The following HS2ST1 variants were observed in gnomAD, a reference collection of about 807,000 sequenced individuals.
HS2ST1 encodes the protein heparan sulfate 2-O-sulfotransferase 1.
In HS2ST1, 18 loss-of-function variants were observed where a neutral mutation model predicts 42.9. The observed-to-expected ratio is 0.42, with a 90% CI of 0.29 to 0.62. The LOEUF is 0.62. Among genes scored for constraint, HS2ST1 ranks in the 20% least tolerant of loss-of-function variants. HS2ST1 has a pLI of 0.21. For missense variants in HS2ST1, 334 were observed against 433.8 expected, an observed-to-expected ratio of 0.77 and a Z score of 2.04; for synonymous variants, 146 against 152.9, an observed-to-expected ratio of 0.95 and a Z score of 0.33.
chr1:86,955,078 A>C (rs1311547050), intron 1 of HS2ST1, among the ~76,000 whole-genome samples: 1 of 152,188 alleles, frequency 6.6e-6, no homozygotes. Context: ...TTATTTATCT[A>C]GAGTGAAATG....
chr1:87,102,782 A>G (rs1557547055), intron 5 of HS2ST1, among the ~76,000 whole-genome samples: 2 of 152,174 alleles, frequency 1.3e-5, no homozygotes. Flanking sequence ...TGAGAAAACA[A>G]AATTGAGAAA....
At chr1:86,989,499 A>C (rs1422259266) in intron 1 of HS2ST1, among the ~76,000 whole-genome samples, 2 of 152,262 alleles carry the variant, frequency 1.3e-5, no homozygotes, top group Non-Finnish European at 2.9e-5. Flanking sequence ...AGAAGCAATA[A>C]AAATATTGCA....
intron 1 of HS2ST1, among the ~76,000 whole-genome samples, chr1:86,967,853 T>C (rs1648093633): frequency 6.6e-6 from 1 of 152,220 alleles, no homozygotes; most frequent in Non-Finnish European, 1.5e-5. Flanking sequence ...GACCTACTTT[T>C]AGTTCTTTAA....
At chr1:87,104,247 A>T (rs1370904123) in intron 6 of HS2ST1, among the ~76,000 whole-genome samples, 1 of 152,164 alleles carries the variant, frequency 6.6e-6, no homozygotes, top group Non-Finnish European at 1.5e-5. Flanking sequence ...TGACTATTTG[A>T]CATTTCATTA....
intron 1 of HS2ST1, among the ~76,000 whole-genome samples, chr1:87,034,700 G>A (rs1011032969): frequency 2.0e-5 from 3 of 152,108 alleles, no homozygotes; most frequent in African/African-American, 7.2e-5. Context: ...CCTTTTAAAA[G>A]ACAATAAAAA....
intron 1 of HS2ST1, among the ~76,000 whole-genome samples, chr1:87,057,884 T>C (rs1651017780): frequency 6.6e-6 from 1 of 151,516 alleles, no homozygotes; most frequent in Admixed American, 6.6e-5. Context: ...AAAAACTGTA[T>C]TTTTTGTCTT....
At chr1:86,958,196 C>G (rs970529146) in intron 1 of HS2ST1, among the ~76,000 whole-genome samples, 4 of 152,316 alleles carry the variant, frequency 2.6e-5, no homozygotes, top group South Asian at 2.1e-4. Context: ...TAACTTTTGA[C>G]TTTCTAAAAA....
intron 1 of HS2ST1, among the ~76,000 whole-genome samples, chr1:86,998,125 A>G (rs1649161542): frequency 6.6e-6 from 1 of 152,208 alleles, no homozygotes; most frequent in Non-Finnish European, 1.5e-5. Flanking sequence ...TGGTCCATAC[A>G]TAATTCTTTA....
intron 1 of HS2ST1, among the ~76,000 whole-genome samples, chr1:86,970,242 T>C (rs1385823116): frequency 6.6e-6 from 1 of 152,196 alleles, no homozygotes; most frequent in Non-Finnish European, 1.5e-5. Flanking sequence ...CAAGTAATAA[T>C]GTATTAATGC....
rs1215937304 is a variant in HS2ST1, at chr1:87,105,533, T to G, written c.*837T>G. 6.6e-6 allele frequency: 1 copy of G among 152,332 alleles called. No individual in the cohort carries two copies. The highest frequency in any genetic ancestry group is 1.5e-5 in the Non-Finnish European group (1 of 67,934). The allele number at this position is 152,332 out of a possible 1,614,324, so 9.4% of individuals were successfully genotyped here. A position where few individuals can be genotyped will look rare whatever the true frequency, so the allele number is the denominator to read the frequency against. On this transcript the variant is annotated 3_prime_UTR_variant, in exon 7 of 7. Transcript: ENST00000370550. ...TGACTCCGTATTATGACTCCATTAG[T>G]GAGCTGTGGTATGGGTAGGATTTTC...
intron 1 of HS2ST1, among the ~76,000 whole-genome samples, chr1:86,979,770 G>A (rs1417314744): frequency 1.3e-5 from 2 of 152,124 alleles, no homozygotes; most frequent in South Asian, 4.1e-4. Context: ...TTCACTTTTT[G>A]AGGAATCATC....
At chr1:87,039,121 A>G (rs1650458115) in intron 1 of HS2ST1, among the ~76,000 whole-genome samples, 1 of 152,148 alleles carries the variant, frequency 6.6e-6, no homozygotes, top group South Asian at 2.1e-4. Flanking sequence ...TCCTTTGGTA[A>G]TTGTAAGGGT....
chr1:86,915,063 G>C lies in HS2ST1; in HGVS notation c.27G>C (p.Pro9=). MGLLRIMM[P]PKLQLLAVVA... is the part of the protein sequence containing the mutation. ...TGGGGCTCCTCAGGATTATGATGCC[G>C]CCCAAGTTGCAGCTGCTGGCGGTGG... Residue 9 remains proline (P), a synonymous_variant, in exon 1 of 7, where the codon CCG becomes CCC. Transcript: ENST00000370550. The C allele has an allele frequency of 5.0e-6, 8 of 1,614,140 alleles. No individual in the cohort carries two copies. The highest frequency in any genetic ancestry group is 6.8e-6 in the Non-Finnish European group (8 of 1,180,010).
intron 1 of HS2ST1, among the ~76,000 whole-genome samples, chr1:87,040,394 A>G (rs1337333078): frequency 1.3e-5 from 2 of 151,954 alleles, no homozygotes; most frequent in African/African-American, 4.8e-5. Flanking sequence ...AGAAGTATCC[A>G]TTTTCCTTCT....
At chr1:86,924,661 C>G (rs1439397290) in intron 1 of HS2ST1, among the ~76,000 whole-genome samples, 2 of 152,178 alleles carry the variant, frequency 1.3e-5, no homozygotes, top group Non-Finnish European at 2.9e-5. Flanking sequence ...AAGGCATGGC[C>G]CGAGCTCTAC....
Position 87,052,438 on chromosome 1 carries a change from C to A in HS2ST1, c.125-20496C>A, listed in dbSNP as rs1192698126. Among the ~76,000 whole-genome samples, 3 of 151,772 alleles carry A rather than the reference C, an allele frequency of 2.0e-5. No individual in the cohort carries two copies. In the South Asian group the frequency reaches 6.2e-4, roughly 32 times the overall value. On this transcript the variant is annotated intron_variant, in intron 1 of 6. Transcript: ENST00000370550. The stretch of plus-strand genomic sequence containing the variant: ...ATGGTTCTTGAATTCTTGGTTGTAC[C>A]CCAAAAATGGTTTCAGTTTAAAAGG...
intron 4 of HS2ST1, among the ~76,000 whole-genome samples, chr1:87,096,501 C>T (rs1570545663): frequency 6.6e-6 from 1 of 152,166 alleles, no homozygotes; most frequent in African/African-American, 2.4e-5. Flanking sequence ...GTGGCAGATA[C>T]AAGTTTTCCA....
intron 4 of HS2ST1, among the ~76,000 whole-genome samples, chr1:87,097,351 G>T (rs1294053330): frequency 6.6e-6 from 1 of 152,168 alleles, no homozygotes; most frequent in African/African-American, 2.4e-5. Context: ...CAGATCCTAA[G>T]AGCTGCCTGT....
chr1:87,044,039 G>T (rs1650583261), intron 1 of HS2ST1, among the ~76,000 whole-genome samples: 1 of 152,056 alleles, frequency 6.6e-6, no homozygotes, highest in Non-Finnish European at 1.5e-5. Flanking sequence ...ATTCAGTTCA[G>T]CAGGCCAAGA....
Sources: allele counts gnomAD v4.1 joint callset (sites outside exome capture counted in the v4.1 genomes callset), GRCh38; gene constraint gnomAD v4.1.1; transcripts MANE v1.5; gene names NCBI Gene and HGNC (gene_info 2026-07-23, HGNC 2026-07-21).